ADARB2: variants seen among roughly 807,000 people sequenced by gnomAD.
ADARB2 encodes the protein inactive double-stranded RNA-specific editase B2.
A neutral mutation model predicts 62.2 loss-of-function variants in ADARB2; 25 were observed. The ratio of observed to expected loss-of-function variants is 0.40; its 90% CI spans 0.29 to 0.56. The LOEUF (loss-of-function observed/expected upper bound fraction) is 0.56, where lower values mean the gene tolerates loss of function less well. Among genes scored for constraint, ADARB2 ranks in the 20% least tolerant of loss-of-function variants. The pLI, the probability that ADARB2 is intolerant of heterozygous loss-of-function variation, is 0.43. For synonymous variants in ADARB2, 572 were observed against 500.8 expected (o/e 1.14, Z -1.90); for missense variants, 1,071 against 1,077.4 (o/e 0.99, Z 0.08).
At chr10:1,404,966 A>G (rs944616649) in intron 1 of ADARB2, among the ~76,000 whole-genome samples, 6 of 152,154 alleles carry the variant, frequency 3.9e-5, no homozygotes, top group African/African-American at 9.7e-5. Flanking sequence ...GTGTCCCTTT[A>G]TGTGCAAATT....
chr10:1,359,621 A>G (rs1832231779), intron 3 of ADARB2, among the ~76,000 whole-genome samples: 1 of 152,126 alleles, frequency 6.6e-6, no homozygotes, highest in Non-Finnish European at 1.5e-5. Context: ...CCTCCACCAC[A>G]ACGCTCACCC....
intron 3 of ADARB2, among the ~76,000 whole-genome samples, chr10:1,279,084 G>A (rs1455664283): frequency 6.6e-6 from 1 of 152,122 alleles, no homozygotes; most frequent in African/African-American, 2.4e-5. Flanking sequence ...ATCTGCTGGG[G>A]CTGCCGTAAA....
At chr10:1,440,112 C>T (rs12264424) in intron 1 of ADARB2, among the ~76,000 whole-genome samples, 21,225 of 149,580 alleles carry the variant, frequency 0.14, 2,224 homozygotes, top group African/African-American at 0.3. Context: ...GAGGCAGGCT[C>T]CTCATGATGG....
In ADARB2 at chr10:1,270,940, AGAG is replaced by A. The variant is rs763289264; in HGVS notation, c.1192+12_1192+14del. ...TAGAGATGAAAATGCCCACAGGAAA[AGAG>A]GAGGTGGCTACCTTTGGTCATGACG... is the stretch of plus-strand genomic sequence containing the variant. On this transcript the variant is annotated intron_variant, in intron 4 of 9. Coordinates refer to ENST00000381312, the MANE Select transcript of ADARB2 (RefSeq NM_018702.4). 15 of 1,610,372 alleles carry A rather than the reference AGAG, an allele frequency of 9.3e-6. 1 individual carries two copies. In the South Asian group the frequency reaches 1.5e-4, roughly 17 times the overall value.
intron 1 of ADARB2, among the ~76,000 whole-genome samples, chr10:1,649,934 G>A (rs184503555): frequency 4.1e-4 from 63 of 152,340 alleles, no homozygotes; most frequent in African/African-American, 1.5e-3. Context: ...TTCCTGAGGA[G>A]CGATGATTAC....
intron 6 of ADARB2, among the ~76,000 whole-genome samples, chr10:1,225,813 C>A (rs532076679): frequency 7.9e-5 from 12 of 152,074 alleles, no homozygotes; most frequent in Admixed American, 5.2e-4. Context: ...TTGTGGGTAA[C>A]CCGACCTTTC....
At chr10:1,675,679 G>A (rs182233083) in intron 1 of ADARB2, among the ~76,000 whole-genome samples, 1 of 150,440 alleles carries the variant, frequency 6.6e-6, no homozygotes, top group African/African-American at 2.5e-5. Flanking sequence ...GGGTTTGGGG[G>A]TTCATGGATG....
At chr10:1,221,567 C>A (rs12256715) in intron 6 of ADARB2, among the ~76,000 whole-genome samples, 2 of 150,266 alleles carry the variant, frequency 1.3e-5, no homozygotes, top group Non-Finnish European at 3.0e-5. Flanking sequence ...TCCCTCCCCC[C>A]TCACCCCACC....
At chr10:1,267,011 A>G (rs892397655) in intron 4 of ADARB2, among the ~76,000 whole-genome samples, 5 of 152,164 alleles carry the variant, frequency 3.3e-5, no homozygotes, top group Middle Eastern at 3.2e-3. Context: ...AGAGTGTTGC[A>G]AATTTAACAA....
At chr10:1,493,701 T>C (rs1831650171) in intron 1 of ADARB2, among the ~76,000 whole-genome samples, 1 of 147,100 alleles carries the variant, frequency 6.8e-6, no homozygotes, top group South Asian at 2.2e-4. Context: ...CAAGCATTAT[T>C]ATTCTAGGCA....
chr10:1,527,609 TTGATATACATAACAGGA>T (rs935628866), intron 1 of ADARB2, among the ~76,000 whole-genome samples: 1 of 152,234 alleles, frequency 6.6e-6, no homozygotes, highest in Non-Finnish European at 1.5e-5. Flanking sequence ...GTAAAAAGAC[TTGATATACATAACAGGA>T]TGATATACAT....
intron 1 of ADARB2, among the ~76,000 whole-genome samples, chr10:1,538,366 C>T (rs1027701956): frequency 6.6e-6 from 1 of 152,182 alleles, no homozygotes; most frequent in Non-Finnish European, 1.5e-5. Context: ...AGAGCACAAG[C>T]CGGAGGGGTC....
At chr10:1,609,211 T>C (rs1259902929) in intron 1 of ADARB2, among the ~76,000 whole-genome samples, 2 of 152,202 alleles carry the variant, frequency 1.3e-5, no homozygotes, top group African/African-American at 4.8e-5. Flanking sequence ...GGCTGCTGCC[T>C]CACACGTCCG....
At chr10:1,723,612 G>A (rs940604226) in intron 1 of ADARB2, among the ~76,000 whole-genome samples, 1 of 152,196 alleles carries the variant, frequency 6.6e-6, no homozygotes, top group African/African-American at 2.4e-5. Flanking sequence ...AGCGAGAAGT[G>A]AGAACGGTCC....
intron 1 of ADARB2, among the ~76,000 whole-genome samples, chr10:1,448,389 T>C (rs1312479867): frequency 1.3e-5 from 2 of 152,210 alleles, no homozygotes; most frequent in East Asian, 3.9e-4. Flanking sequence ...ACTCCCTTCA[T>C]GAATATCCAC....
rs1282414609 is a variant in ADARB2, at chr10:1,195,396, TTTTG to T, written c.1864+4566_1864+4569del. 3.3e-3 allele frequency among the ~76,000 whole-genome samples: 436 copies of T among 132,372 alleles called. 5 individuals carry two copies. Among genetic ancestry groups the T allele is most frequent in the African/African-American group, 0.015 (411 of 27,536 alleles). 86.8% of individuals were successfully genotyped at this position (132,372 alleles called of 152,430 possible). ...CTGTCAATGCTGTACACAGTTTTTT[TTTTG>T]TTTTTTTTTTTTTTAAGATAAGGGT... On this transcript the variant is annotated intron_variant, in intron 8 of 9. Coordinates refer to ENST00000381312, the MANE Select transcript of ADARB2 (RefSeq NM_018702.4).
chr10:1,428,529 C>T (rs113620362), intron 1 of ADARB2, among the ~76,000 whole-genome samples: 6,087 of 151,830 alleles, frequency 0.04, 406 homozygotes, highest in African/African-American at 0.14. Context: ...CCTCGTGATC[C>T]GCCCGCCTCT....
chr10:1,474,141 C>CT (rs1831366656), intron 1 of ADARB2, among the ~76,000 whole-genome samples: 1 of 360 alleles, frequency 2.8e-3, no homozygotes, highest in South Asian at 0.5. Flanking sequence ...AGGCTTGATT[C>CT]CTGCATGGCC....
At chr10:1,245,893 G>C (rs964647103) in intron 4 of ADARB2, among the ~76,000 whole-genome samples, 4 of 151,534 alleles carry the variant, frequency 2.6e-5, no homozygotes, top group African/African-American at 9.7e-5. Flanking sequence ...TCTAGTTCTA[G>C]ATCCCTGAGG....
Sources: gnomAD v4.1 joint callset for allele counts (sites outside exome capture counted in the v4.1 genomes callset) on GRCh38, gnomAD v4.1.1 for gene constraint, MANE v1.5 for transcripts, NCBI Gene and HGNC (gene_info 2026-07-23, HGNC 2026-07-21) for gene names.